The following MCC variants were observed in gnomAD, a reference collection of about 807,000 sequenced individuals.
MCC encodes the protein MCC regulator of Wnt signaling pathway.
Under a neutral mutation model 116.2 loss-of-function variants are expected in MCC, and 90 were observed. That is an observed-to-expected ratio of 0.77 (90% CI 0.65 to 0.92). The LOEUF is 0.92. Ranked by LOEUF, MCC falls within the 40% of genes least tolerant of loss-of-function variation. The probability of loss-of-function intolerance (pLI) is 0.00; values close to 1 mark genes in which losing one functional copy is unlikely to be tolerated. For synonymous variants in MCC, 578 were observed against 510.5 expected (o/e 1.13, Z -1.78); for missense variants, 1,516 against 1,312.2 (o/e 1.16, Z -2.40).
At chr5:113,108,736 T>C (rs1053413564) in intron 6 of MCC, among the ~76,000 whole-genome samples, 1 of 152,008 alleles carries the variant, frequency 6.6e-6, no homozygotes, top group African/African-American at 2.4e-5. Context: ...TGAGGTCATT[T>C]ACACTGATGC....
chr5:113,395,348 G>A (rs1054411070), intron 1 of MCC, among the ~76,000 whole-genome samples: 7 of 152,196 alleles, frequency 4.6e-5, no homozygotes, highest in African/African-American at 1.7e-4. Context: ...ATAAAAACTT[G>A]GGACCCTAAA....
chr5:113,285,258 C>T (rs1766205257), intron 3 of MCC, among the ~76,000 whole-genome samples: 2 of 152,140 alleles, frequency 1.3e-5, no homozygotes, highest in Admixed American at 1.3e-4. Context: ...TCTGAAAATA[C>T]CTTCTTTAAC....
At chr5:113,312,472 T>A (rs1767159336) in intron 3 of MCC, among the ~76,000 whole-genome samples, 1 of 151,994 alleles carries the variant, frequency 6.6e-6, no homozygotes, top group Non-Finnish European at 1.5e-5. Flanking sequence ...AAAGAGGTGT[T>A]CAAGTCACAG....
chr5:113,271,781 C>T (rs1333263450), intron 3 of MCC, among the ~76,000 whole-genome samples: 1 of 152,124 alleles, frequency 6.6e-6, no homozygotes, highest in African/African-American at 2.4e-5. Flanking sequence ...GAGTCTGTCC[C>T]CCATTCCCCT....
intron 3 of MCC, among the ~76,000 whole-genome samples, chr5:113,333,820 C>CATATGTGT (rs1767769973): frequency 2.3e-5 from 2 of 85,584 alleles, no homozygotes; most frequent in Non-Finnish European, 4.6e-5. Context: ...TATATATGTA[C>CATATGTGT]ATATATGTAT....
chr5:113,213,405 T>C (rs1297106324), intron 3 of MCC, among the ~76,000 whole-genome samples: 3 of 152,204 alleles, frequency 2.0e-5, no homozygotes, highest in Admixed American at 6.5e-5. Flanking sequence ...TTAGATGCCA[T>C]GTGAAATGCA....
chr5:113,195,426 A>G (rs1581235625), intron 3 of MCC, among the ~76,000 whole-genome samples: 1 of 152,310 alleles, frequency 6.6e-6, no homozygotes, highest in South Asian at 2.1e-4. Flanking sequence ...GTAATTTACA[A>G]CAGCCTCAAA....
chr5:113,308,109 A>C (rs1353651449), intron 3 of MCC, among the ~76,000 whole-genome samples: 1 of 152,070 alleles, frequency 6.6e-6, no homozygotes, highest in Non-Finnish European at 1.5e-5. Flanking sequence ...AATAGCTGAG[A>C]CTACAGACGT....
chr5:113,033,772 G>C (rs576852982), intron 17 of MCC, among the ~76,000 whole-genome samples: 1 of 152,176 alleles, frequency 6.6e-6, no homozygotes, highest in African/African-American at 2.4e-5. Context: ...TGTAATGACT[G>C]TGACAACTGA....
intron 3 of MCC, among the ~76,000 whole-genome samples, chr5:113,218,116 A>AC (rs1763394479): frequency 5.2e-5 from 1 of 19,086 alleles, no homozygotes; most frequent in Non-Finnish European, 8.4e-5. Context: ...GAGGTGGGAA[A>AC]CTGGGGGGAG....
At chr5:113,258,441 C>G (rs1454549655) in intron 3 of MCC, among the ~76,000 whole-genome samples, 1 of 152,234 alleles carries the variant, frequency 6.6e-6, no homozygotes, top group Non-Finnish European at 1.5e-5. Flanking sequence ...AGTCAGCCAG[C>G]ATTAACGCCT....
chr5:113,146,704 TCTA>T (rs1244991393), intron 4 of MCC, among the ~76,000 whole-genome samples: 1 of 152,220 alleles, frequency 6.6e-6, no homozygotes, highest in African/African-American at 2.4e-5. Flanking sequence ...GGCAGTTTCT[TCTA>T]CTACAACTTG....
chr5:113,433,241 C>T (rs537154136), intron 1 of MCC: 2 of 183,234 alleles, frequency 1.1e-5, no homozygotes, highest in East Asian at 3.4e-4. Context: ...TTCCCGCCGC[C>T]TCTCCGCGCC....
At chr5:113,308,939 T>C (rs1767068030) in intron 3 of MCC, among the ~76,000 whole-genome samples, 1 of 152,206 alleles carries the variant, frequency 6.6e-6, no homozygotes, top group Non-Finnish European at 1.5e-5. Flanking sequence ...AACCAAGGTT[T>C]CTAAAATCTT....
intron 3 of MCC, among the ~76,000 whole-genome samples, chr5:113,157,351 G>A (rs553893390): frequency 2.0e-5 from 3 of 152,318 alleles, no homozygotes; most frequent in African/African-American, 7.2e-5. Context: ...TTGGTAAAAA[G>A]GAATACGATT....
chr5:113,241,107 T>C (rs182575563), intron 3 of MCC, among the ~76,000 whole-genome samples: 1 of 152,322 alleles, frequency 6.6e-6, no homozygotes, highest in East Asian at 1.9e-4. Flanking sequence ...TTCATAGTAA[T>C]AATAAGCTCT....
rs1004874916 is a variant in MCC at position 113,026,896 on chromosome 5, A to G, written c.*406T>C. 2 of 163,438 alleles carry G rather than the reference A, an allele frequency of 1.2e-5. No homozygotes were observed. Among genetic ancestry groups the G allele is most frequent in the Non-Finnish European group, 2.6e-5 (2 of 75,874 alleles). The allele number at this position is 163,438 out of a possible 1,614,324, so 10.1% of individuals were successfully genotyped here. ...GAAGCAGGAGGAAAGAGGAGAAACG[A>G]GATTCTAGAAGATGAGCCCAGCATC... is the stretch of plus-strand genomic sequence containing the variant. On this transcript the variant is annotated 3_prime_UTR_variant, in exon 19 of 19. Transcript: ENST00000408903.
At chr5:113,064,597 C>T (rs1236588095) in intron 13 of MCC, among the ~76,000 whole-genome samples, 1 of 152,198 alleles carries the variant, frequency 6.6e-6, no homozygotes, top group Non-Finnish European at 1.5e-5. Context: ...GCCATCTTTC[C>T]ACATGTCTAC....
intron 3 of MCC, among the ~76,000 whole-genome samples, chr5:113,216,544 A>C (rs1561463661): frequency 6.6e-6 from 1 of 152,230 alleles, no homozygotes; most frequent in Admixed American, 6.5e-5. Context: ...ATAATTCAGC[A>C]CAGTGACAGG....
Sources: gnomAD v4.1 joint callset for allele counts (sites outside exome capture counted in the v4.1 genomes callset) on GRCh38, gnomAD v4.1.1 for gene constraint, MANE v1.5 for transcripts, NCBI Gene and HGNC (gene_info 2026-07-23, HGNC 2026-07-21) for gene names.